The following CCDC92 variants were observed in gnomAD, a reference collection of about 807,000 sequenced individuals.
CCDC92 encodes the protein coiled-coil domain-containing protein 92.
Under a neutral mutation model 24.9 loss-of-function variants are expected in CCDC92, and 12 were observed. That is an observed-to-expected ratio of 0.48 (90% confidence interval 0.31 to 0.78). The LOEUF (loss-of-function observed/expected upper bound fraction) is 0.78, where lower values mean the gene tolerates loss of function less well. CCDC92 is among the 30% of genes least tolerant of loss of function. The pLI, the probability that CCDC92 is intolerant of heterozygous loss-of-function variation, is 0.05. For synonymous variants in CCDC92, 193 were observed against 196.3 expected (o/e 0.98, Z 0.14); for missense variants, 399 against 439.4 (o/e 0.91, Z 0.82).
intron 1 of CCDC92, chr12:123,967,919 G>C (rs184721354): frequency 6.6e-6 from 1 of 152,184 alleles, no homozygotes; most frequent in Non-Finnish European, 1.5e-5. Context: ...GGACTGGGGA[G>C]GAAATCTGAA....
At chr12:123,954,492 G>A (rs1004607088) in intron 1 of CCDC92, among the ~76,000 whole-genome samples, 3 of 152,186 alleles carry the variant, frequency 2.0e-5, no homozygotes, top group Non-Finnish European at 2.9e-5. Flanking sequence ...AAGAGGGTAC[G>A]CAGCCTGTCT....
chr12:123,955,661 T>G (rs1463477773), intron 1 of CCDC92, among the ~76,000 whole-genome samples: 1 of 151,876 alleles, frequency 6.6e-6, no homozygotes, highest in Non-Finnish European at 1.5e-5. Context: ...TTTTTTTTGG[T>G]GGGGGGGAGA....
At chr12:123,958,455 G>A (rs917558438) in intron 1 of CCDC92, among the ~76,000 whole-genome samples, 1 of 152,220 alleles carries the variant, frequency 6.6e-6, no homozygotes, top group Non-Finnish European at 1.5e-5. Flanking sequence ...TCTTTCCAAA[G>A]GCTGCCACCT....
intron 1 of CCDC92, 185 bp from the exon 2 acceptor site, chr12:123,944,549 C>T (rs1284343094): frequency 8.7e-6 from 4 of 459,126 alleles, no homozygotes; most frequent in Non-Finnish European, 1.5e-5. Context: ...GACACTGACA[C>T]ACCCAGGCTG....
intron 1 of CCDC92, chr12:123,971,795 C>G (rs556203659): frequency 3.3e-5 from 5 of 152,412 alleles, no homozygotes; most frequent in African/African-American, 7.2e-5. Context: ...TGCGTTTGTG[C>G]ATTCTGCTCC....
At chr12:123,948,428 A>G (rs1042114860) in intron 1 of CCDC92, among the ~76,000 whole-genome samples, 1 of 152,252 alleles carries the variant, frequency 6.6e-6, no homozygotes, top group Admixed American at 6.5e-5. Context: ...CCACTCTGTT[A>G]ACTGCAGAAA....
chr12:123,965,985 AT>A (rs1956384211), intron 1 of CCDC92: 1 of 152,234 alleles, frequency 6.6e-6, no homozygotes, highest in Non-Finnish European at 1.5e-5. Flanking sequence ...TTTTATTCAA[AT>A]GAGAAAAAAT....
intron 1 of CCDC92, among the ~76,000 whole-genome samples, chr12:123,963,429 G>C (rs1290290247): frequency 2.0e-5 from 3 of 152,332 alleles, no homozygotes; most frequent in Non-Finnish European, 4.4e-5. Context: ...ATCTGAGTGA[G>C]TTTCTTCCTT....
chr12:123,944,172 C>G, intron 2 of CCDC92, 100 bp downstream of exon 2: 1 of 786,936 alleles, frequency 1.3e-6, no homozygotes, highest in Non-Finnish European at 2.3e-6. Context: ...TCTCATGGGG[C>G]CAGGGGGTGG....
Position 123,972,779 on chromosome 12 carries a change from T to C in CCDC92, c.-310A>G, listed in dbSNP as rs1441446364. Reference sequence around the variant, plus strand: ...TGGGAGCGGGGCCGGCGGCGAGGCCTGGCCGCGCTGACCCGGCGGGCTAGG... The same window carrying C: ...TGGGAGCGGGGCCGGCGGCGAGGCCCGGCCGCGCTGACCCGGCGGGCTAGG... On this transcript the variant is annotated 5_prime_UTR_variant, in exon 1 of 5. Coordinates refer to ENST00000238156, the MANE Select transcript of CCDC92 (RefSeq NM_025140.3). 6.9e-6 allele frequency: 1 copy of C among 144,542 alleles called. No homozygotes were observed. Among genetic ancestry groups the C allele is most frequent in the Non-Finnish European group, 1.5e-5 (1 of 65,366 alleles). 9.0% of individuals were successfully genotyped at this position (144,542 alleles called of 1,614,324 possible). A position where few individuals can be genotyped will look rare whatever the true frequency, so the allele number is the denominator to read the frequency against.
intron 1 of CCDC92, chr12:123,944,654 G>A (rs770472603): frequency 1.8e-5 from 4 of 220,510 alleles, no homozygotes; most frequent in African/African-American, 6.8e-5. Flanking sequence ...AGTTCATAAC[G>A]AACTTCAGAC....
Position 123,937,299 on chromosome 12 carries a change from G to T in CCDC92, c.755C>A (p.Ser252Tyr), listed in dbSNP as rs1408274085. The T allele has an allele frequency of 1.2e-6, 2 of 1,613,110 alleles. No individual in the cohort carries two copies. The highest frequency in any genetic ancestry group is 8.5e-7 in the Non-Finnish European group (1 of 1,180,010). ...DPTPFLLARE[S>Y]AEVHLIKERP... ...CTCTTTGATGAGGTGGACCTCGGCGGACTCCCTAGCCAGCAGAAATGGGGT... is the reference window on the plus strand; with the variant it reads ...CTCTTTGATGAGGTGGACCTCGGCGTACTCCCTAGCCAGCAGAAATGGGGT... The change falls in exon 5 of 5, where the codon TCC (serine) becomes TAC (tyrosine). Residue 252 changes from serine to tyrosine, a missense_variant. Physicochemically the swap from Ser to Tyr is moderately radical, Grantham distance 144 (BLOSUM62 -2). Coordinates refer to ENST00000238156, the MANE Select transcript of CCDC92 (RefSeq NM_025140.3). The surrounding 1 kb of genome is among the most constrained non-coding windows in gnomAD (Gnocchi z 8.4).
chr12:123,943,825 T>G, intron 2 of CCDC92: 1 of 455,584 alleles, frequency 2.2e-6, no homozygotes, highest in South Asian at 3.4e-5. Flanking sequence ...AGAGGCAGAT[T>G]CGCGAGCCTG....
intron 1 of CCDC92, among the ~76,000 whole-genome samples, chr12:123,953,604 C>CT (rs1956079961): frequency 6.6e-6 from 1 of 152,146 alleles, no homozygotes. Context: ...TGGTGAAACT[C>CT]TGTCTATACT....
chr12:123,936,963 T>A lies in CCDC92; in HGVS notation c.*95A>T. 1 of 1,401,850 alleles carries A rather than the reference T, an allele frequency of 7.1e-7. No individual in the cohort carries two copies. The highest frequency in any genetic ancestry group is 9.9e-7 in the Non-Finnish European group (1 of 1,014,726). 86.8% of individuals were successfully genotyped at this position (1,401,850 alleles called of 1,614,324 possible). On this transcript the variant is annotated 3_prime_UTR_variant, in exon 5 of 5. Transcript: ENST00000238156. The stretch of plus-strand genomic sequence containing the variant: ...AATGGGTCGGTAGGTGTGAAAAGTG[T>A]TTGGCATGCATGGGATTAAACAGAA...
chr12:123,952,487 T>C (rs1009633968), intron 1 of CCDC92, among the ~76,000 whole-genome samples: 2 of 152,222 alleles, frequency 1.3e-5, no homozygotes, highest in African/African-American at 2.4e-5. Flanking sequence ...CATGGCTAAT[T>C]AGGCCATCAA....
chr12:123,938,752 G>T (rs939823672), intron 4 of CCDC92, among the ~76,000 whole-genome samples: 3 of 152,210 alleles, frequency 2.0e-5, no homozygotes, highest in Non-Finnish European at 4.4e-5. Context: ...CTCCAAGTGA[G>T]TGTCCGTCAG....
intron 1 of CCDC92, among the ~76,000 whole-genome samples, chr12:123,967,555 T>A (rs1294849000): frequency 6.6e-6 from 1 of 152,210 alleles, no homozygotes. Context: ...CTTCAATGTT[T>A]AAGGTATGGC....
intron 1 of CCDC92, 34 bp from the exon 2 acceptor site, chr12:123,944,398 T>A: frequency 8.7e-7 from 1 of 1,153,774 alleles, no homozygotes; most frequent in Non-Finnish European, 1.2e-6. Flanking sequence ...TGCTTATAAA[T>A]TATTATTGTA....
Sources: allele counts gnomAD v4.1 joint callset (sites outside exome capture counted in the v4.1 genomes callset), GRCh38; gene constraint gnomAD v4.1.1; non-coding constraint Gnocchi (gnomAD v3.1); transcripts MANE v1.5; gene names NCBI Gene and HGNC (gene_info 2026-07-23, HGNC 2026-07-21).